ITSN1: variants seen among roughly 807,000 people sequenced by gnomAD.
ITSN1 encodes the protein intersectin 1, also known as intersectin-1.
ITSN1 carries 58 observed loss-of-function variants against 239.8 expected under a neutral mutation model. The observed-to-expected ratio is 0.24, with a 90% CI of 0.20 to 0.30. ITSN1 has a LOEUF of 0.30. ITSN1 is among the 10% of genes least tolerant of loss of function. The probability of loss-of-function intolerance (pLI) is 1.00; values close to 1 mark genes in which losing one functional copy is unlikely to be tolerated. For synonymous variants in ITSN1, 780 were observed against 770.8 expected, an observed-to-expected ratio of 1.01 and a Z score of -0.20; for missense variants, 1,558 against 2,103.3, an observed-to-expected ratio of 0.74 and a Z score of 5.07.
intron 1 of ITSN1, among the ~76,000 whole-genome samples, chr21:33,683,426 G>A (rs185148760): frequency 1.5e-4 from 23 of 152,268 alleles, no homozygotes; most frequent in African/African-American, 5.3e-4. Flanking sequence ...TTTTTAGCTA[G>A]CAGCTGATCT....
intron 29 of ITSN1, among the ~76,000 whole-genome samples, chr21:33,839,808 T>G (rs1362024631): frequency 6.6e-6 from 1 of 152,190 alleles, no homozygotes; most frequent in East Asian, 1.9e-4. Flanking sequence ...ATCATTGAGT[T>G]TGCATTTGGT....
intron 33 of ITSN1, among the ~76,000 whole-genome samples, chr21:33,868,381 G>A (rs2042864179): frequency 6.6e-6 from 1 of 152,194 alleles, no homozygotes; most frequent in African/African-American, 2.4e-5. Flanking sequence ...GGCGCTCGTC[G>A]GGGAGGCTCG....
intron 1 of ITSN1, among the ~76,000 whole-genome samples, chr21:33,665,429 A>G (rs1313049699): frequency 1.3e-5 from 2 of 152,224 alleles, no homozygotes; most frequent in East Asian, 1.9e-4. Flanking sequence ...CAAAACTATG[A>G]GAATACCACT....
In ITSN1 at chr21:33,775,139, T is replaced by C. The variant is rs117755515; in HGVS notation, c.1596+31T>C. 2.1e-5 allele frequency: 33 copies of C among 1,587,184 alleles called. No homozygotes were observed. The East Asian group carries it at 6.9e-4, about 33-fold the overall frequency. ...GAAATATGCCTCTTAAAAGCTATTA[T>C]ATTAAACTGGCATCCTTTTCTCTAA... is the stretch of plus-strand genomic sequence containing the variant. On this transcript the variant is annotated intron_variant, in intron 14 of 39. Coordinates refer to ENST00000381318, the MANE Select transcript of ITSN1 (RefSeq NM_003024.3).
At chr21:33,817,045 A>G (rs2073324046) in intron 22 of ITSN1, among the ~76,000 whole-genome samples, 1 of 152,156 alleles carries the variant, frequency 6.6e-6, no homozygotes, top group Admixed American at 6.5e-5. Flanking sequence ...TATAATATAA[A>G]TGACTTCTAA....
chr21:33,730,690 G>A (rs545163505), intron 4 of ITSN1, among the ~76,000 whole-genome samples: 182 of 149,976 alleles, frequency 1.2e-3, no homozygotes, highest in Non-Finnish European at 2.2e-3. Flanking sequence ...GTGAGCCACC[G>A]TGCCCAGCCT....
At chr21:33,744,305 A>G (rs188142282) in intron 5 of ITSN1, among the ~76,000 whole-genome samples, 119 of 152,354 alleles carry the variant, frequency 7.8e-4, no homozygotes, top group African/African-American at 2.8e-3. Context: ...TACCTTTGAA[A>G]TCTGTATTCT....
chr21:33,730,948 G>A (rs1420085501), intron 4 of ITSN1, among the ~76,000 whole-genome samples: 5 of 151,832 alleles, frequency 3.3e-5, no homozygotes, highest in East Asian at 3.9e-4. Context: ...CACCTGCCTC[G>A]GCCTCCCAAA....
At chr21:33,843,046 G>GTGAAGTCGA (rs2074878764) in intron 29 of ITSN1, among the ~76,000 whole-genome samples, 1 of 152,094 alleles carries the variant, frequency 6.6e-6, no homozygotes, top group East Asian at 1.9e-4. Context: ...AGCGCAGGAT[G>GTGAAGTCGA]TTCTCTGCGG....
At chr21:33,710,310 C>G (rs947758524) in intron 1 of ITSN1, among the ~76,000 whole-genome samples, 1 of 151,928 alleles carries the variant, frequency 6.6e-6, no homozygotes, top group Non-Finnish European at 1.5e-5. Context: ...GACCTCCTGA[C>G]CTCGTGAACC....
chr21:33,735,232 T>C, intron 5 of ITSN1, 28 bp downstream of exon 5: 6 of 1,595,842 alleles, frequency 3.8e-6, no homozygotes, highest in Non-Finnish European at 5.1e-6. Context: ...TTGGTTTCTG[T>C]ATTTTCTTGT....
intron 34 of ITSN1, among the ~76,000 whole-genome samples, chr21:33,877,071 T>TTTTTTTTTTTTTTTTTTTTTTTA (rs1602690008): frequency 6.9e-6 from 1 of 145,616 alleles, no homozygotes; most frequent in African/African-American, 2.6e-5. Context: ...TTTTTTTTTT[T>TTTTTTTTTTTTTTTTTTTTTTTA]GAAATGGAGT....
At chr21:33,807,764 C>T (rs571072804) in intron 20 of ITSN1, among the ~76,000 whole-genome samples, 1 of 152,316 alleles carries the variant, frequency 6.6e-6, no homozygotes, top group South Asian at 2.1e-4. Flanking sequence ...TCAAGGGATC[C>T]ACTTGAGCCC....
intron 1 of ITSN1, among the ~76,000 whole-genome samples, chr21:33,642,945 A>C (rs1201474638): frequency 6.7e-6 from 1 of 149,176 alleles, no homozygotes; most frequent in Non-Finnish European, 1.5e-5. Context: ...GCGGACCCGC[A>C]CTGGGAGGCC....
At position 33,875,473 on chromosome 21, in the gene ITSN1, C is replaced by G. The variant is rs764039448; in HGVS notation, c.4293C>G (p.Asp1431Glu). 1.2e-6 allele frequency: 2 copies of G among 1,614,176 alleles called. No homozygotes were observed. The highest frequency in any genetic ancestry group is 2.2e-5 in the East Asian group (1 of 44,860). The change falls in exon 34 of 40, where the codon GAC (aspartate) becomes GAG (glutamate). Residue 1431 changes from aspartate to glutamate, a missense_variant. By Grantham distance (45) the Asp-to-Glu change is conservative. Around this residue, in one of 2 missense-constraint regions of ITSN1, gnomAD observed 576 missense variants for 893.3 expected, o/e 0.64. Transcript: ENST00000381318. ...GGGTGCGGGAGAAGGAGAACTCTGA[C>G]CGGCTGGAGTGGATCCAGGCCCACG... ...NEGVREKENS[D>E]RLEWIQAHVQ...
At chr21:33,742,294 A>G (rs1300554352) in intron 5 of ITSN1, among the ~76,000 whole-genome samples, 1 of 152,098 alleles carries the variant, frequency 6.6e-6, no homozygotes, top group Non-Finnish European at 1.5e-5. Flanking sequence ...TGATCTCAAG[A>G]TCCACCCACC....
chr21:33,712,663 T>TCCCTG (rs2092448505), intron 1 of ITSN1, among the ~76,000 whole-genome samples: 1 of 152,202 alleles, frequency 6.6e-6, no homozygotes, highest in Non-Finnish European at 1.5e-5. Flanking sequence ...CTTCACTGCA[T>TCCCTG]AGCTCCCTGA....
At chr21:33,787,876 C>T (rs2834261) in intron 16 of ITSN1, among the ~76,000 whole-genome samples, 29,058 of 152,096 alleles carry the variant, frequency 0.19, 2,925 homozygotes, top group Admixed American at 0.24. Flanking sequence ...CCTATATGAT[C>T]CTTTGGAAAA....
intron 9 of ITSN1, among the ~76,000 whole-genome samples, chr21:33,762,903 A>G (rs1463408581): frequency 6.6e-6 from 1 of 152,052 alleles, no homozygotes; most frequent in Admixed American, 6.5e-5. Flanking sequence ...ACCTCAGGTG[A>G]CCTGCCCACC....
Sources: gnomAD v4.1 joint callset for allele counts (sites outside exome capture counted in the v4.1 genomes callset) on GRCh38, gnomAD v4.1.1 for gene constraint, gnomAD v4.1.1 regional missense constraint, MANE v1.5 for transcripts, NCBI Gene and HGNC (gene_info 2026-07-23, HGNC 2026-07-21) for gene names.